The following MID1 variants were observed in gnomAD, a reference collection of about 807,000 sequenced individuals.
MID1 encodes midline 1, also known as E3 ubiquitin-protein ligase Midline-1.
A neutral mutation model predicts 40.4 loss-of-function variants in MID1; 7 were observed. The ratio of observed to expected loss-of-function variants is 0.17; its 90% CI spans 0.10 to 0.33. The LOEUF is 0.33. Ranked by LOEUF, MID1 falls within the 10% of genes least tolerant of loss-of-function variation. The probability of loss-of-function intolerance (pLI) is 1.00; values close to 1 mark genes in which losing one functional copy is unlikely to be tolerated. For synonymous variants in MID1, 229 were observed against 221.2 expected (o/e 1.04, Z -0.31); for missense variants, 367 against 558.5 (o/e 0.66, Z 3.46).
intron 3 of MID1, among the ~76,000 whole-genome samples, chrX:10,499,089 A>T (rs1931413227): frequency 8.9e-6 from 1 of 112,042 alleles, no homozygotes. Flanking sequence ...ATTTCTCCAC[A>T]TCCTTGTTAA....
chrX:10,779,196 AT>A (rs1235951022), intron 1 of MID1, among the ~76,000 whole-genome samples: 3 of 112,004 alleles, frequency 2.7e-5, no homozygotes, highest in South Asian at 7.4e-4. Flanking sequence ...GGAATTTTTA[AT>A]TTTTTTTAGA....
chrX:10,653,254 G>A (rs1355246144), intron 1 of MID1, among the ~76,000 whole-genome samples: 1 of 112,394 alleles, frequency 8.9e-6, no homozygotes, highest in Admixed American at 9.4e-5. Context: ...GTATTTCAAA[G>A]TATTAGCTGC....
At chrX:10,576,462 T>C (rs12861418) in intron 1 of MID1, among the ~76,000 whole-genome samples, 1 of 111,549 alleles carries the variant, frequency 9.0e-6, no homozygotes, top group Non-Finnish European at 1.9e-5. Flanking sequence ...GGTCACACTG[T>C]CTGGTTATTT....
intron 1 of MID1, among the ~76,000 whole-genome samples, chrX:10,679,501 A>G (rs2147068670): frequency 8.9e-6 from 1 of 111,922 alleles, no homozygotes; most frequent in Non-Finnish European, 1.9e-5. Flanking sequence ...GTTGGTATAA[A>G]TAAAGGTGTA....
chrX:10,723,769 T>C (rs994718473), intron 1 of MID1, among the ~76,000 whole-genome samples: 1 of 112,071 alleles, frequency 8.9e-6, no homozygotes, highest in African/African-American at 3.2e-5. Flanking sequence ...CTCGATCTCC[T>C]GACCTCGTGA....
At chrX:10,744,864 A>G (rs1224240565) in intron 1 of MID1, among the ~76,000 whole-genome samples, 1 of 112,036 alleles carries the variant, frequency 8.9e-6, no homozygotes, top group Admixed American at 9.5e-5. Flanking sequence ...AGCTACAGTA[A>G]TTGGTCCAAT....
intron 2 of MID1, among the ~76,000 whole-genome samples, chrX:10,552,994 T>C (rs1261428874): frequency 8.9e-6 from 1 of 111,802 alleles, no homozygotes; most frequent in Non-Finnish European, 1.9e-5. Context: ...CATGATGTAA[T>C]CCCAGTACTT....
At chrX:10,812,137 T>G (rs2044106631) in intron 1 of MID1, among the ~76,000 whole-genome samples, 1 of 111,637 alleles carries the variant, frequency 9.0e-6, no homozygotes, top group Non-Finnish European at 1.9e-5. Context: ...AAAGCTAAAG[T>G]GCTGAATAGA....
chrX:10,794,081 C>T (rs1056890299), intron 1 of MID1, among the ~76,000 whole-genome samples: 1 of 112,050 alleles, frequency 8.9e-6, no homozygotes, highest in African/African-American at 3.2e-5. Flanking sequence ...CCATTATAGG[C>T]AGTCAAATAT....
intron 1 of MID1, among the ~76,000 whole-genome samples, chrX:10,754,481 C>T (rs769142937): frequency 3.6e-5 from 4 of 110,465 alleles, no homozygotes; most frequent in Non-Finnish European, 7.6e-5. Flanking sequence ...TGTAAATAAC[C>T]TTAACATAAC....
intron 1 of MID1, among the ~76,000 whole-genome samples, chrX:10,716,374 G>A (rs747368480): frequency 1.5e-3 from 172 of 112,088 alleles, no homozygotes; most frequent in African/African-American, 5.3e-3. Context: ...TGAAAACCAC[G>A]GCATGAGATC....
At chrX:10,579,833 C>T (rs573295140) in intron 1 of MID1, among the ~76,000 whole-genome samples, 1 of 106,249 alleles carries the variant, frequency 9.4e-6, no homozygotes, top group South Asian at 4.3e-4. Flanking sequence ...AGAGGAGTGA[C>T]TCTTTTGTTC....
chrX:10,449,488 G>C lies in MID1; in HGVS notation c.1884C>G (p.Thr628=). ...CAGGCTGCGCAAATGCGACGTCGAA[G>C]GTGTAGAGGTGGATGGAGTTCAAAG... ...YDALNSIHLY[T]FDVAFAQPVC... is the part of the protein sequence containing the mutation. Residue 628 remains threonine, a synonymous_variant, in exon 10 of 10, where the codon ACC becomes ACG. Coordinates refer to ENST00000317552, the MANE Select transcript of MID1 (RefSeq NM_000381.4). 8.3e-7 allele frequency: 1 copy of C among 1,211,729 alleles called. No homozygotes were observed. The highest frequency in any genetic ancestry group is 1.1e-6 in the Non-Finnish European group (1 of 895,386).
intron 1 of MID1, among the ~76,000 whole-genome samples, chrX:10,667,444 A>G (rs1470793324): frequency 7.2e-5 from 8 of 111,816 alleles, no homozygotes; most frequent in Non-Finnish European, 1.5e-4. Flanking sequence ...AAATTGCCCT[A>G]CCAGCTGAGG....
chrX:10,752,333 G>A (rs1365007928), intron 1 of MID1, among the ~76,000 whole-genome samples: 1 of 111,625 alleles, frequency 9.0e-6, no homozygotes, highest in African/African-American at 3.3e-5. Context: ...GTATAGTGCA[G>A]GGGGCAAGCA....
intron 1 of MID1, among the ~76,000 whole-genome samples, chrX:10,810,024 C>T (rs867990421): frequency 2.2e-4 from 25 of 111,411 alleles, no homozygotes; most frequent in Non-Finnish European, 3.2e-4. Context: ...ATATTCATAA[C>T]GTAAAATTTA....
chrX:10,538,458 G>T (rs1933346666), intron 2 of MID1, among the ~76,000 whole-genome samples: 1 of 110,307 alleles, frequency 9.1e-6, no homozygotes, highest in Admixed American at 9.7e-5. Flanking sequence ...TGTCCAGTTG[G>T]GTCCACACAT....
chrX:10,462,023 AC>A (rs1929073212), intron 7 of MID1, among the ~76,000 whole-genome samples: 1 of 111,998 alleles, frequency 8.9e-6, no homozygotes, highest in African/African-American at 3.2e-5. Context: ...CAAAGTCTTA[AC>A]CCAACAAAGA....
chrX:10,716,232 G>A (rs1410634042), intron 1 of MID1, among the ~76,000 whole-genome samples: 3 of 112,026 alleles, frequency 2.7e-5, no homozygotes, highest in Non-Finnish European at 5.6e-5. Flanking sequence ...GGCTTCAGAC[G>A]ATCAGACTAC....
Sources: gnomAD v4.1 joint callset for allele counts (sites outside exome capture counted in the v4.1 genomes callset) on GRCh38, gnomAD v4.1.1 for gene constraint, MANE v1.5 for transcripts, NCBI Gene and HGNC (gene_info 2026-07-23, HGNC 2026-07-21) for gene names.